Variants in PCDH9 observed in about 807,000 individuals in gnomAD.
The protein encoded by PCDH9 is protocadherin 9.
A neutral mutation model predicts 70.6 loss-of-function variants in PCDH9; 24 were observed. The ratio of observed to expected loss-of-function variants is 0.34; its 90% confidence interval spans 0.25 to 0.48. The LOEUF is 0.48. Among genes scored for constraint, PCDH9 ranks in the 20% least tolerant of loss-of-function variants. PCDH9 has a pLI of 0.99. For synonymous variants in PCDH9, 562 were observed against 558.5 expected, an observed-to-expected ratio of 1.01 and a Z score of -0.09; for missense variants, 1,281 against 1,503.6, an observed-to-expected ratio of 0.85 and a Z score of 2.45.
chr13:66,967,102 T>A (rs1262962588), intron 2 of PCDH9, among the ~76,000 whole-genome samples: 1 of 152,030 alleles, frequency 6.6e-6, no homozygotes, highest in East Asian at 1.9e-4. Context: ...AAGTCAGATT[T>A]AAAGAACCAA....
At chr13:66,684,351 TG>T (rs1439709310) in intron 3 of PCDH9, among the ~76,000 whole-genome samples, 1 of 152,136 alleles carries the variant, frequency 6.6e-6, no homozygotes, top group Non-Finnish European at 1.5e-5. Flanking sequence ...AATTCGGTAG[TG>T]TTGTAAGTTA....
At chr13:66,692,235 A>G (rs1022630513) in intron 3 of PCDH9, among the ~76,000 whole-genome samples, 2 of 152,154 alleles carry the variant, frequency 1.3e-5, no homozygotes, top group African/African-American at 2.4e-5. Flanking sequence ...TTTATCATCA[A>G]TGTAAGTCAT....
chr13:66,840,887 A>G (rs887078752), intron 3 of PCDH9, among the ~76,000 whole-genome samples: 1 of 152,224 alleles, frequency 6.6e-6, no homozygotes, highest in African/African-American at 2.4e-5. Flanking sequence ...AGGCATCATA[A>G]TGGTACATTG....
chr13:66,457,316 T>C (rs1958336450), intron 4 of PCDH9, among the ~76,000 whole-genome samples: 1 of 152,128 alleles, frequency 6.6e-6, no homozygotes, highest in African/African-American at 2.4e-5. Context: ...GGCTTCAATA[T>C]GTTTATTTTT....
intron 2 of PCDH9, among the ~76,000 whole-genome samples, chr13:67,158,739 C>T (rs1364785703): frequency 6.6e-6 from 1 of 152,180 alleles, no homozygotes; most frequent in Non-Finnish European, 1.5e-5. Flanking sequence ...CCCAAACTGA[C>T]TAAGATGGAT....
rs61452457 is a variant in PCDH9, at chr13:66,573,768, T to TG, written c.3340+57441_3340+57442insC. Among the ~76,000 whole-genome samples the TG allele has an allele frequency of 1.8e-4, 28 of 151,384 alleles. 1 individual carries two copies. The highest frequency in any genetic ancestry group is 1.7e-3 in the South Asian group (8 of 4,752). ...TTGTTTGTTTGTTTGTTTGTTTGTT[T>TG]TTTTGGTGCCAAATCAACTGAAATG... On this transcript the variant is annotated intron_variant, in intron 4 of 4. Transcript: ENST00000377865.
intron 4 of PCDH9, among the ~76,000 whole-genome samples, chr13:66,546,133 C>A (rs137880774): frequency 6.6e-6 from 1 of 151,460 alleles, no homozygotes; most frequent in Non-Finnish European, 1.5e-5. Context: ...CCACCGCACC[C>A]GGCCATCTTT....
intron 2 of PCDH9, among the ~76,000 whole-genome samples, chr13:66,907,034 C>G (rs191888631): frequency 1.2e-4 from 18 of 151,886 alleles, no homozygotes; most frequent in African/African-American, 4.1e-4. Context: ...GGCAAAACCC[C>G]GTCTACTGAA....
chr13:66,517,369 A>T (rs1012861871), intron 4 of PCDH9, among the ~76,000 whole-genome samples: 2 of 152,172 alleles, frequency 1.3e-5, no homozygotes, highest in Admixed American at 6.6e-5. Flanking sequence ...AGAGATCACC[A>T]GAATGCTACA....
chr13:66,597,194 G>A (rs2077114359), intron 4 of PCDH9, among the ~76,000 whole-genome samples: 1 of 151,596 alleles, frequency 6.6e-6, no homozygotes, highest in South Asian at 2.1e-4. Flanking sequence ...ACTACCCAAA[G>A]TGATCTGCAG....
chr13:66,392,040 C>T (rs1348695307), intron 4 of PCDH9, among the ~76,000 whole-genome samples: 1 of 151,672 alleles, frequency 6.6e-6, no homozygotes, highest in Admixed American at 6.6e-5. Context: ...TCAAAACATA[C>T]TGCTATGGAA....
chr13:66,874,652 G>A (rs956712647), intron 3 of PCDH9, among the ~76,000 whole-genome samples: 2 of 151,944 alleles, frequency 1.3e-5, no homozygotes, highest in Admixed American at 6.6e-5. Flanking sequence ...ATGAGGATAC[G>A]CAGGGAAACA....
At chr13:66,449,578 G>C (rs1958165022) in intron 4 of PCDH9, among the ~76,000 whole-genome samples, 2 of 152,104 alleles carry the variant, frequency 1.3e-5, no homozygotes, top group Non-Finnish European at 2.9e-5. Context: ...CCTCACAAGA[G>C]TGTTCAGAAA....
intron 4 of PCDH9, among the ~76,000 whole-genome samples, chr13:66,494,704 T>C (rs1047232229): frequency 6.6e-6 from 1 of 152,124 alleles, no homozygotes; most frequent in African/African-American, 2.4e-5. Context: ...ATTTAAAGCA[T>C]ATCCAGTTTG....
chr13:66,339,235 C>T (rs1232938939), intron 4 of PCDH9, among the ~76,000 whole-genome samples: 1 of 151,552 alleles, frequency 6.6e-6, no homozygotes, highest in Non-Finnish European at 1.5e-5. Context: ...AGAACAACAA[C>T]AACAAAAAAA....
intron 3 of PCDH9, among the ~76,000 whole-genome samples, chr13:66,711,333 G>A (rs547358381): frequency 2.6e-5 from 4 of 151,250 alleles, no homozygotes; most frequent in East Asian, 1.9e-4. Context: ...TTGGTTCCAA[G>A]TTTGTGTACT....
chr13:66,789,801 G>A (rs1052125371), intron 3 of PCDH9, among the ~76,000 whole-genome samples: 1 of 152,054 alleles, frequency 6.6e-6, no homozygotes, highest in Non-Finnish European at 1.5e-5. Flanking sequence ...TAGAATTTTT[G>A]TCAGTGTTGT....
At chr13:67,066,159 G>T (rs571587612) in intron 2 of PCDH9, among the ~76,000 whole-genome samples, 2 of 152,114 alleles carry the variant, frequency 1.3e-5, no homozygotes, top group South Asian at 2.1e-4. Flanking sequence ...AAATGGAAAC[G>T]ATATATTTGT....
At position 67,164,316 on chromosome 13, in the gene PCDH9, T is replaced by A. The variant is rs183326576; in HGVS notation, c.3036+61089A>T. ...TATACGCCGGGCGCGGTGGCCCATG[T>A]CTGTAATACCAGCACTTTGGGAGGC... On this transcript the variant is annotated intron_variant, in intron 2 of 4. Coordinates refer to ENST00000377865, the MANE Select transcript of PCDH9 (RefSeq NM_203487.3). 1.2e-3 allele frequency among the ~76,000 whole-genome samples: 184 copies of A among 152,170 alleles called. 1 individual carries two copies. Among genetic ancestry groups the A allele is most frequent in the African/African-American group, 4.0e-3 (165 of 41,542 alleles).
Sources: allele counts gnomAD v4.1 joint callset (sites outside exome capture counted in the v4.1 genomes callset), GRCh38; gene constraint gnomAD v4.1.1; transcripts MANE v1.5; gene names NCBI Gene and HGNC (gene_info 2026-07-23, HGNC 2026-07-21).